PRRC2A: variants seen among roughly 807,000 people sequenced by gnomAD.
The protein encoded by PRRC2A is proline rich coiled-coil 2A.
A neutral mutation model predicts 224.6 loss-of-function variants in PRRC2A; 59 were observed. That is an observed-to-expected ratio of 0.26 (90% CI 0.21 to 0.33). The LOEUF is 0.33. PRRC2A is among the 10% of genes least tolerant of loss of function. PRRC2A has a pLI of 1.00. For synonymous variants in PRRC2A, 1,194 were observed against 1,109.5 expected, an observed-to-expected ratio of 1.08 and a Z score of -1.51; for missense variants, 3,095 against 2,880.7, an observed-to-expected ratio of 1.07 and a Z score of -1.70.
Position 31,629,301 on chromosome 6 carries a change from G to A in PRRC2A, c.1923G>A (p.Lys641=). Reference sequence around the variant, plus strand: ...GCTTGGGCTACCCCAAATATCAGAAGTCGTTGCCTCCTCGTTTCCAGCGGC... The same window carrying A: ...GCTTGGGCTACCCCAAATATCAGAAATCGTTGCCTCCTCGTTTCCAGCGGC... ...SQGLGYPKYQ[K]SLPPRFQRQQ... The change falls in exon 13 of 31, where the codon AAG becomes AAA. Residue 641 remains lysine (K), a synonymous_variant. Coordinates refer to ENST00000376033, the MANE Select transcript of PRRC2A (RefSeq NM_004638.4). 6 of 1,578,484 alleles carry A rather than the reference G, an allele frequency of 3.8e-6. No homozygotes were observed. Among genetic ancestry groups the A allele is most frequent in the Non-Finnish European group, 5.2e-6 (6 of 1,162,590 alleles).
Position 31,632,195 on chromosome 6 carries a change from A to C in PRRC2A, c.3522A>C (p.Gly1174=), listed in dbSNP as rs374489184. 2 of 1,604,396 alleles carry C rather than the reference A, an allele frequency of 1.2e-6. No individual in the cohort carries two copies. The highest frequency in any genetic ancestry group is 1.1e-5 in the South Asian group (1 of 90,582). Reference sequence around the variant, plus strand: ...TGCCATCTCGCCGGGGCCGAGGAGGAGGGAGGCCCCCTCCTCAAGTTTGCC... The same window carrying C: ...TGCCATCTCGCCGGGGCCGAGGAGGCGGGAGGCCCCCTCCTCAAGTTTGCC... ...RGVPSRRGRG[G]GRPPPQVCPG... is the part of the protein sequence containing the mutation. The change falls in exon 16 of 31, where the codon GGA becomes GGC. Residue 1174 remains glycine (G), a synonymous_variant. Transcript: ENST00000376033.
At chr6:31,624,815 T>C in intron 5 of PRRC2A, 2 of 529,776 alleles carry the variant, frequency 3.8e-6, no homozygotes, top group Non-Finnish European at 6.7e-6. Context: ...TTTTTTTTTT[T>C]TGAGACGGAG....
Position 31,631,975 on chromosome 6 carries a change from G to T in PRRC2A, c.3302G>T (p.Arg1101Leu). ...GAGTATGAGGAAATCCCCAAGCGGC[G>T]CCGGCAGCGGGGCTCAGAAACAGGC... ...GSEYEEIPKRRRQRGSETGSE... is the reference protein window; with the variant it reads ...GSEYEEIPKRLRQRGSETGSE... Residue 1101 changes from arginine (R) to leucine (L), a missense_variant, in exon 16 of 31, where the codon CGC (arginine) becomes CTC (leucine). By Grantham distance (102) the Arg-to-Leu change is moderately radical (BLOSUM62 -2). Around this residue, in one of 8 missense-constraint regions of PRRC2A, gnomAD observed 2,001 missense variants for 1,764.9 expected, o/e 1.13. Transcript: ENST00000376033. The surrounding 1 kb of genome is among the most constrained non-coding windows in gnomAD (Gnocchi z 4.5). 6.2e-7 allele frequency: 1 copy of T among 1,612,700 alleles called. No individual in the cohort carries two copies.
rs570253377 is a variant in PRRC2A, at chr6:31,637,120, A to T, written c.6226A>T (p.Thr2076Ser). 2 of 1,610,338 alleles carry T rather than the reference A, an allele frequency of 1.2e-6. No individual in the cohort carries two copies. The highest frequency in any genetic ancestry group is 2.2e-5 in the South Asian group (2 of 90,816). Residue 2076 changes from threonine (T) to serine (S), a missense_variant, in exon 29 of 31, where the codon ACT (threonine) becomes TCT (serine). Coordinates refer to ENST00000376033, the MANE Select transcript of PRRC2A (RefSeq NM_004638.4). ...SNLGGPGSSR[T>S]PPTGRSFSGL... ...CCTTGGGGGACCTGGATCATCACGG[A>T]CTCCCCCAACTGGAAGGTGAAACGG...
At chr6:31,635,006 T>C (rs1353934230) in intron 21 of PRRC2A, 29 bp downstream of exon 21, 3 of 1,605,464 alleles carry the variant, frequency 1.9e-6, no homozygotes, top group Non-Finnish European at 2.6e-6. Context: ...ATAAGGGGAA[T>C]GTTTCCAGGA....
Position 31,634,801 on chromosome 6 carries a change from T to G in PRRC2A, c.4984T>G (p.Ser1662Ala), listed in dbSNP as rs1264593368. 1 of 1,612,658 alleles carries G rather than the reference T, an allele frequency of 6.2e-7. No individual in the cohort carries two copies. The highest frequency in any genetic ancestry group is 8.5e-7 in the Non-Finnish European group (1 of 1,179,968). The change falls in exon 21 of 31, where the codon TCA becomes GCA. Residue 1662 changes from serine (S) to alanine (A), a missense_variant. This residue lies in a region of PRRC2A where 15 missense variants were observed against 35.3 expected (regional missense o/e 0.42). Transcript: ENST00000376033. ...GVDLSGDSQVSSGPCSQRSSP... is the reference protein window; with the variant it reads ...GVDLSGDSQVASGPCSQRSSP... Reference sequence around the variant, plus strand: ...GGACCTGAGTGGGGATTCTCAGGTGTCATCAGGTCCCTGCAGCCAGCGAAG... The same window carrying G: ...GGACCTGAGTGGGGATTCTCAGGTGGCATCAGGTCCCTGCAGCCAGCGAAG...
intron 1 of PRRC2A, among the ~76,000 whole-genome samples, chr6:31,621,372 A>G (rs1041891706): frequency 5.3e-5 from 8 of 150,934 alleles, no homozygotes; most frequent in African/African-American, 1.2e-4. Flanking sequence ...TTTGCTTTCT[A>G]TGTTGCTCAG....
At position 31,631,231 on chromosome 6, in the gene PRRC2A, G is replaced by A. The variant is rs777738037; in HGVS notation, c.2558G>A (p.Arg853His). ...ENGAPGPPIS[R>H]FPLEEPGPRP... is the part of the protein sequence containing the mutation. ...GGAGCCCCTGGGCCCCCAATCTCTCGCTTTCCTCTGGAGGAACCAGGGCCC... is the reference window on the plus strand; with the variant it reads ...GGAGCCCCTGGGCCCCCAATCTCTCACTTTCCTCTGGAGGAACCAGGGCCC... Residue 853 changes from arginine (R) to histidine (H), a missense_variant, in exon 16 of 31, where the codon CGC becomes CAC. By Grantham distance (29) the Arg-to-His change is conservative. Around this residue, in one of 8 missense-constraint regions of PRRC2A, gnomAD observed 2,001 missense variants for 1,764.9 expected, o/e 1.13. Transcript: ENST00000376033. This position sits in a 1 kb window ranked among gnomAD's most constrained non-coding sequence, Gnocchi z 4.5. The A allele has an allele frequency of 5.3e-5, 85 of 1,610,150 alleles. 1 individual carries two copies. In the East Asian group the frequency reaches 1.5e-3, roughly 28 times the overall value.
Position 31,632,930 on chromosome 6 carries a change from T to C in PRRC2A, c.4257T>C (p.Pro1419=). 3.1e-6 allele frequency: 5 copies of C among 1,611,942 alleles called. No homozygotes were observed. The highest frequency in any genetic ancestry group is 4.2e-6 in the Non-Finnish European group (5 of 1,179,462). The change falls in exon 16 of 31, where the codon CCT becomes CCC. Residue 1419 remains proline, a synonymous_variant. Coordinates refer to ENST00000376033, the MANE Select transcript of PRRC2A (RefSeq NM_004638.4). ...GSSSGGGGGG[P]GGRTGPGRGD... is the part of the protein sequence containing the mutation. ...GCAGTGGAGGAGGCGGTGGGGGTCCTGGAGGAAGGACCGGGCCAGGACGAG... is the reference window on the plus strand; with the variant it reads ...GCAGTGGAGGAGGCGGTGGGGGTCCCGGAGGAAGGACCGGGCCAGGACGAG...
rs763370950 is a variant in PRRC2A, at chr6:31,627,747, G to C, written c.1291-18G>C. On this transcript the variant is annotated intron_variant, in intron 11 of 30. Transcript: ENST00000376033. This position sits in a 1 kb window ranked among gnomAD's most constrained non-coding sequence, Gnocchi z 5.6. The stretch of plus-strand genomic sequence containing the variant: ...GTAACTGATTCCCCTGGCCCTGCTG[G>C]GTCTTGCCAATTGACAGGATCGTGG... 30 of 1,609,118 alleles carry C rather than the reference G, an allele frequency of 1.9e-5. No homozygotes were observed. The highest frequency in any genetic ancestry group is 1.8e-4 in the Middle Eastern group (1 of 5,566).
intron 24 of PRRC2A, 78 bp downstream of exon 24, chr6:31,635,827 C>G (rs1227784682): frequency 4.0e-6 from 6 of 1,491,080 alleles, no homozygotes; most frequent in Admixed American, 2.2e-5. Flanking sequence ...TATAATCAAG[C>G]CTTTCTACGT....
At chr6:31,624,132 A>C in intron 3 of PRRC2A, 129 bp from the exon 4 acceptor site, 1 of 1,153,512 alleles carries the variant, frequency 8.7e-7, no homozygotes, top group East Asian at 2.4e-5. Context: ...ACAAAGGATG[A>C]CAAAATTAAT....
chr6:31,637,191 G>T (rs750468211), intron 29 of PRRC2A, 43 bp from the exon 30 acceptor site: 16 of 1,604,972 alleles, frequency 1.0e-5, no homozygotes, highest in Admixed American at 8.3e-5. Context: ...TTGGAACCAG[G>T]GTCTGGATCC....
chr6:31,621,161 C>T (rs1207653822), intron 1 of PRRC2A, among the ~76,000 whole-genome samples: 2 of 152,042 alleles, frequency 1.3e-5, no homozygotes, highest in Admixed American at 6.6e-5. Flanking sequence ...CGCTGCGCTC[C>T]TGGCTTTTCA....
In PRRC2A at chr6:31,633,946, A is replaced by C; in HGVS notation, c.4676A>C (p.Lys1559Thr). Residue 1559 changes from lysine to threonine, a missense_variant, in exon 18 of 31, where the codon AAA (lysine) becomes ACA (threonine). Lys to Thr is a moderately conservative substitution (Grantham distance 78). This residue lies in a region of PRRC2A where 2,001 missense variants were observed against 1,764.9 expected (regional missense o/e 1.13). Coordinates refer to ENST00000376033, the MANE Select transcript of PRRC2A (RefSeq NM_004638.4). ...DSAGVSPFPP[K>T]RRERPPRKPE... ...GCCGGGGTTAGTCCCTTTCCCCCTA[A>C]ACGTCGGGAGCGGCCTCCCAGAAAA... 6.3e-7 allele frequency: 1 copy of C among 1,599,360 alleles called. No homozygotes were observed. Among genetic ancestry groups the C allele is most frequent in the African/African-American group, 1.4e-5 (1 of 73,896 alleles).
rs367642725 is a variant in PRRC2A at position 31,623,916 on chromosome 6, A to G, written c.290+7A>G. ...AGCAGTCCGACCCCAAGAGGTAGACAGAGGCTTGGGGGACCTAGAGTGATG... is the reference window on the plus strand; with the variant it reads ...AGCAGTCCGACCCCAAGAGGTAGACGGAGGCTTGGGGGACCTAGAGTGATG... On this transcript the variant is annotated splice_region_variant and intron_variant, in intron 3 of 30. Coordinates refer to ENST00000376033, the MANE Select transcript of PRRC2A (RefSeq NM_004638.4). 4.3e-6 allele frequency: 7 copies of G among 1,613,792 alleles called. No individual in the cohort carries two copies. The highest frequency in any genetic ancestry group is 5.9e-6 in the Non-Finnish European group (7 of 1,179,846).
At chr6:31,634,190 A>C (rs770940623) in intron 18 of PRRC2A, 46 bp from the exon 19 acceptor site, 1 of 1,572,816 alleles carries the variant, frequency 6.4e-7, no homozygotes, top group African/African-American at 1.4e-5. Flanking sequence ...ATAATTCCCA[A>C]TTCCCACCCA....
chr6:31,625,881 C>A lies in PRRC2A; in HGVS notation c.839+10C>A, dbSNP rs1210537766. On this transcript the variant is annotated intron_variant, in intron 8 of 30. Coordinates refer to ENST00000376033, the MANE Select transcript of PRRC2A (RefSeq NM_004638.4). This position sits in a 1 kb window ranked among gnomAD's most constrained non-coding sequence, Gnocchi z 4.1. ...CTCCTGATGGGCCCAGGTGAGCAATCCAGGTCTGGGTTTGTGGCTGGGGGC... is the reference window on the plus strand; with the variant it reads ...CTCCTGATGGGCCCAGGTGAGCAATACAGGTCTGGGTTTGTGGCTGGGGGC... The A allele has an allele frequency of 6.3e-7, 1 of 1,584,764 alleles. No individual in the cohort carries two copies. The highest frequency in any genetic ancestry group is 2.2e-5 in the East Asian group (1 of 44,742).
rs767548081 is a variant in PRRC2A, at chr6:31,624,496, G to C, written c.437G>C (p.Ser146Thr). The change falls in exon 5 of 31, where the codon AGC (serine) becomes ACC (threonine). Residue 146 changes from serine to threonine, a missense_variant. Physicochemically the swap from Ser to Thr is moderately conservative, Grantham distance 58 (BLOSUM62 1). Around this residue, in one of 8 missense-constraint regions of PRRC2A, gnomAD observed 287 missense variants for 275.3 expected, o/e 1.04. Transcript: ENST00000376033. ...PSGVKSWAQA[S>T]VTHGAHGDGG... ...GGGGTAAAGTCCTGGGCACAAGCCAGCGTCACCCATGGAGCACATGGAGAT... is the reference window on the plus strand; with the variant it reads ...GGGGTAAAGTCCTGGGCACAAGCCACCGTCACCCATGGAGCACATGGAGAT... 1.9e-6 allele frequency: 3 copies of C among 1,613,796 alleles called. No individual in the cohort carries two copies. Among genetic ancestry groups the C allele is most frequent in the African/African-American group, 2.7e-5 (2 of 75,048 alleles).
Sources: allele counts gnomAD v4.1 joint callset (sites outside exome capture counted in the v4.1 genomes callset), GRCh38; gene constraint gnomAD v4.1.1; regional missense constraint gnomAD v4.1.1; non-coding constraint Gnocchi (gnomAD v3.1); transcripts MANE v1.5; gene names NCBI Gene and HGNC (gene_info 2026-07-23, HGNC 2026-07-21).